Variants in PHF20 observed in about 807,000 individuals in gnomAD.
PHF20 encodes PHD finger protein 20.
In PHF20, 23 loss-of-function variants were observed where a neutral mutation model predicts 113.5. That is an observed-to-expected ratio of 0.20 (90% CI 0.15 to 0.29). The LOEUF (loss-of-function observed/expected upper bound fraction) is 0.29. PHF20 is among the 10% of genes least tolerant of loss of function. PHF20 has a pLI of 1.00. For synonymous variants in PHF20, 434 were observed against 457.3 expected (o/e 0.95, Z 0.65); for missense variants, 943 against 1,219.6 (o/e 0.77, Z 3.38).
chr20:35,915,418 A>G (rs2147086936), intron 12 of PHF20, among the ~76,000 whole-genome samples: 1 of 151,418 alleles, frequency 6.6e-6, no homozygotes. Flanking sequence ...ACAGAGTCTC[A>G]CTCTGTTGCC....
intron 6 of PHF20, among the ~76,000 whole-genome samples, chr20:35,867,645 T>C (rs1371781870): frequency 3.9e-5 from 6 of 152,154 alleles, no homozygotes; most frequent in South Asian, 2.1e-4. Flanking sequence ...CATTGGGAAG[T>C]TGGAACACAG....
At chr20:35,843,064 G>T (rs555898551) in intron 3 of PHF20, among the ~76,000 whole-genome samples, 1 of 151,790 alleles carries the variant, frequency 6.6e-6, no homozygotes, top group African/African-American at 2.4e-5. Flanking sequence ...GCCCACCCTG[G>T]CTAATTTTTG....
intron 2 of PHF20, among the ~76,000 whole-genome samples, chr20:35,840,114 A>G (rs1024149602): frequency 8.5e-5 from 13 of 152,198 alleles, no homozygotes; most frequent in Non-Finnish European, 1.6e-4. Flanking sequence ...GGTGCTGGAT[A>G]TAAGAAAGGA....
chr20:35,884,166 A>T (rs1314120185), intron 9 of PHF20, among the ~76,000 whole-genome samples: 1 of 152,204 alleles, frequency 6.6e-6, no homozygotes, highest in Non-Finnish European at 1.5e-5. Flanking sequence ...TATTAACGTA[A>T]GTAAGCGGAA....
intron 4 of PHF20, among the ~76,000 whole-genome samples, chr20:35,854,093 A>G (rs2042787361): frequency 6.6e-6 from 1 of 152,186 alleles, no homozygotes; most frequent in South Asian, 2.1e-4. Context: ...AGGCCCTGGA[A>G]TATTGGCTGT....
chr20:35,803,892 T>C (rs1258577917), intron 2 of PHF20, among the ~76,000 whole-genome samples: 1 of 151,972 alleles, frequency 6.6e-6, no homozygotes, highest in Non-Finnish European at 1.5e-5. Flanking sequence ...TCTTACTCTA[T>C]TGCTCAGGCT....
intron 2 of PHF20, among the ~76,000 whole-genome samples, chr20:35,805,444 G>T (rs562455369): frequency 4.0e-5 from 6 of 149,512 alleles, no homozygotes; most frequent in Non-Finnish European, 7.4e-5. Flanking sequence ...GTGCAGTGGC[G>T]CAATCTCGGC....
intron 1 of PHF20, among the ~76,000 whole-genome samples, chr20:35,799,781 C>T (rs1192419289): frequency 6.6e-6 from 1 of 152,162 alleles, no homozygotes; most frequent in Non-Finnish European, 1.5e-5. Flanking sequence ...TATTCTTCTG[C>T]CTCAGCCTCC....
chr20:35,869,182 GT>G (rs1167875011), intron 6 of PHF20, among the ~76,000 whole-genome samples: 1 of 152,148 alleles, frequency 6.6e-6, no homozygotes, highest in Non-Finnish European at 1.5e-5. Flanking sequence ...GCAAGTAGAG[GT>G]TGAAAACTGG....
At chr20:35,823,246 G>A (rs975565897) in intron 2 of PHF20, among the ~76,000 whole-genome samples, 7 of 151,830 alleles carry the variant, frequency 4.6e-5, no homozygotes, top group Non-Finnish European at 7.4e-5. Context: ...AGTAAAATTC[G>A]CTCTTTTTCA....
chr20:35,778,930 G>T (rs908449978), intron 1 of PHF20, among the ~76,000 whole-genome samples: 1 of 152,086 alleles, frequency 6.6e-6, no homozygotes, highest in Admixed American at 6.6e-5. Context: ...AATGTAAATA[G>T]GACAGTTTTA....
intron 15 of PHF20, 69 bp from the exon 16 acceptor site, chr20:35,938,628 T>G: frequency 6.9e-7 from 1 of 1,451,246 alleles, no homozygotes; most frequent in Non-Finnish European, 9.3e-7. Flanking sequence ...GGAGAGTATT[T>G]AGGAATTGAG....
chr20:35,947,350 GCC>G, intron 17 of PHF20, 133 bp from the exon 18 acceptor site: 4 of 781,384 alleles, frequency 5.1e-6, no homozygotes, highest in South Asian at 2.3e-5. Context: ...TTCCTCCCTT[GCC>G]CCATGGAGGC....
At chr20:35,890,571 C>T (rs967266097) in intron 9 of PHF20, among the ~76,000 whole-genome samples, 1 of 152,010 alleles carries the variant, frequency 6.6e-6, no homozygotes, top group African/African-American at 2.4e-5. Context: ...ATTCAAGTAA[C>T]CTCTTGCTGT....
intron 13 of PHF20, among the ~76,000 whole-genome samples, chr20:35,918,503 G>T (rs1381492658): frequency 6.6e-6 from 1 of 152,086 alleles, no homozygotes; most frequent in African/African-American, 2.4e-5. Flanking sequence ...AGTCCTTTTG[G>T]TTCTTTTTTA....
At position 35,800,950 on chromosome 20, in the gene PHF20, C is replaced by G. The variant is rs567379317; in HGVS notation, c.-32-541C>G. Among the ~76,000 whole-genome samples the G allele has an allele frequency of 1.8e-4, 27 of 152,224 alleles. No homozygotes were observed. The South Asian group carries it at 5.6e-3, about 32-fold the overall frequency. ...AAAGAAACAACTTGGCTCTGCCTTC[C>G]AAGTAGCTGGGGCTATAGGCATACA... On this transcript the variant is annotated intron_variant, in intron 1 of 17. Coordinates refer to ENST00000374012, the MANE Select transcript of PHF20 (RefSeq NM_016436.5).
chr20:35,895,567 A>G (rs1453961290), intron 9 of PHF20, among the ~76,000 whole-genome samples: 1 of 152,072 alleles, frequency 6.6e-6, no homozygotes, highest in Admixed American at 6.6e-5. Context: ...TTAGGAAAGA[A>G]TTGGATGTAT....
intron 8 of PHF20, 51 bp downstream of exon 8, chr20:35,871,185 G>A: frequency 7.2e-7 from 1 of 1,384,538 alleles, no homozygotes; most frequent in Non-Finnish European, 1.0e-6. Context: ...CCTATTTAGT[G>A]AGAATCAATG....
intron 10 of PHF20, among the ~76,000 whole-genome samples, chr20:35,901,460 G>C (rs58777901): frequency 0.011 from 1,668 of 151,114 alleles, 22 homozygotes; most frequent in African/African-American, 0.038. Flanking sequence ...ACTTGGAAAT[G>C]GTAAAAATGC....
Sources: allele counts gnomAD v4.1 joint callset (sites outside exome capture counted in the v4.1 genomes callset), GRCh38; gene constraint gnomAD v4.1.1; transcripts MANE v1.5; gene names NCBI Gene and HGNC (gene_info 2026-07-23, HGNC 2026-07-21).